Variants in ITGB2 observed in about 807,000 individuals in gnomAD.
The protein encoded by ITGB2 is integrin beta-2.
ITGB2 carries 56 observed loss-of-function variants against 86.8 expected under a neutral mutation model. That is an observed-to-expected ratio of 0.65 (90% confidence interval 0.52 to 0.81). ITGB2 has a LOEUF of 0.81. Among genes scored for constraint, ITGB2 ranks in the 30% least tolerant of loss-of-function variants. ITGB2 has a pLI of 0.00. For synonymous variants in ITGB2, 457 were observed against 450.4 expected, an observed-to-expected ratio of 1.01 and a Z score of -0.19; for missense variants, 948 against 1,061.2, an observed-to-expected ratio of 0.89 and a Z score of 1.48.
intron 14 of ITGB2, among the ~76,000 whole-genome samples, chr21:44,887,290 T>C (rs1417160167): frequency 6.6e-6 from 1 of 152,136 alleles, no homozygotes; most frequent in Non-Finnish European, 1.5e-5. Context: ...CTCCCCATAC[T>C]GTGAAAGTGA....
chr21:44,888,644 C>A (rs376621955), intron 14 of ITGB2, 49 bp downstream of exon 14: 3 of 1,588,682 alleles, frequency 1.9e-6, no homozygotes, highest in East Asian at 2.2e-5. Flanking sequence ...GCGGAGACCC[C>A]GCAGCCGGAG....
intron 1 of ITGB2, among the ~76,000 whole-genome samples, chr21:44,913,158 T>C (rs2146551709): frequency 6.6e-6 from 1 of 151,744 alleles, no homozygotes; most frequent in Non-Finnish European, 1.5e-5. Context: ...CCAGCCGGCT[T>C]CAGGACTCCC....
At chr21:44,901,456 G>T (rs1003720927) in intron 6 of ITGB2, 36 bp downstream of exon 6, 1 of 1,609,124 alleles carries the variant, frequency 6.2e-7, no homozygotes, top group African/African-American at 1.3e-5. Flanking sequence ...CCACACTGGG[G>T]GAACGTGGGG....
intron 5 of ITGB2, 132 bp from the exon 6 acceptor site, chr21:44,901,865 G>A (rs763338831): frequency 8.1e-6 from 8 of 983,838 alleles, no homozygotes; most frequent in Non-Finnish European, 1.2e-5. Flanking sequence ...GATGGCACAT[G>A]TGGAGTGTGT....
intron 8 of ITGB2, among the ~76,000 whole-genome samples, chr21:44,896,957 G>A (rs781213660): frequency 7.2e-5 from 11 of 152,208 alleles, no homozygotes; most frequent in Non-Finnish European, 1.0e-4. Context: ...GGAGGGGACC[G>A]TCATGGCCAC....
chr21:44,890,369 A>G, intron 11 of ITGB2, 147 bp from the exon 12 acceptor site: 5 of 1,019,586 alleles, frequency 4.9e-6, no homozygotes, highest in South Asian at 1.4e-5. Flanking sequence ...AGCACTTGCC[A>G]CGGACTAAAT....
intron 13 of ITGB2, 76 bp downstream of exon 13, chr21:44,889,200 G>C (rs1452860688): frequency 3.5e-6 from 5 of 1,439,398 alleles, no homozygotes; most frequent in Non-Finnish European, 4.9e-6. Context: ...TGGGGTCCCC[G>C]AGTGAGCCCG....
At chr21:44,917,650 C>T (rs3788151) in intron 1 of ITGB2, among the ~76,000 whole-genome samples, 27,139 of 152,038 alleles carry the variant, frequency 0.18, 4,856 homozygotes, top group African/African-American at 0.47. Context: ...CCTCTAGGCA[C>T]GGCGCAGGGG....
chr21:44,890,262 T>C (rs1167104154), intron 11 of ITGB2, 40 bp from the exon 12 acceptor site: 1 of 1,611,308 alleles, frequency 6.2e-7, no homozygotes, highest in Admixed American at 1.7e-5. Context: ...CTCCCCCCAG[T>C]GATGTGGGAC....
chr21:44,888,920 C>T lies in ITGB2; in HGVS notation c.1878-25G>A, dbSNP rs372021992. ...GCTGCGGGGAGCCAGGTGTGAGCATCGGTGCCAGGGTGTGCGGGGGCTCCG... is the reference window on the plus strand; with the variant it reads ...GCTGCGGGGAGCCAGGTGTGAGCATTGGTGCCAGGGTGTGCGGGGGCTCCG... On this transcript the variant is annotated intron_variant, in intron 13 of 15. Coordinates refer to ENST00000652462, the MANE Select transcript of ITGB2 (RefSeq NM_000211.5). 626 of 1,589,334 alleles carry T rather than the reference C, an allele frequency of 3.9e-4. 2 individuals carry two copies. The highest frequency in any genetic ancestry group is 1.3e-3 in the South Asian group (119 of 90,790).
intron 14 of ITGB2, 66 bp from the exon 15 acceptor site, chr21:44,886,968 G>T: frequency 6.3e-7 from 1 of 1,588,876 alleles, no homozygotes; most frequent in Admixed American, 1.7e-5. Context: ...GTGCCCACAG[G>T]TCCGAGGTCA....
chr21:44,927,254 A>G (rs4818985), intron 1 of ITGB2, among the ~76,000 whole-genome samples: 58,253 of 152,038 alleles, frequency 0.38, 14,639 homozygotes, highest in African/African-American at 0.72. Flanking sequence ...CAGTGGGGAG[A>G]GGGTGGTTCC....
At chr21:44,898,498 G>T (rs1255606402) in intron 8 of ITGB2, among the ~76,000 whole-genome samples, 1 of 152,216 alleles carries the variant, frequency 6.6e-6, no homozygotes, top group East Asian at 1.9e-4. Context: ...CCTGAGAAAG[G>T]TCTTGGGAAC....
At chr21:44,893,925 G>T (rs1159813942) in intron 9 of ITGB2, 3 of 339,016 alleles carry the variant, frequency 8.8e-6, no homozygotes, top group African/African-American at 6.4e-5. Flanking sequence ...CAGAGCCAGA[G>T]CCAGAGACAG....
intron 14 of ITGB2, among the ~76,000 whole-genome samples, chr21:44,888,479 CA>C (rs1302963903): frequency 1.3e-5 from 2 of 152,120 alleles, no homozygotes; most frequent in African/African-American, 4.8e-5. Flanking sequence ...GATGTGGGGT[CA>C]GGTGAGGAGG....
intron 4 of ITGB2, among the ~76,000 whole-genome samples, chr21:44,905,566 TG>T (rs901674522): frequency 2.0e-5 from 3 of 152,116 alleles, no homozygotes; most frequent in African/African-American, 7.2e-5. Flanking sequence ...CACTGTGAAG[TG>T]GGGCGTGGGG....
At chr21:44,925,218 A>G (rs2084356466), upstream of ITGB2, among the ~76,000 whole-genome samples, 1 of 151,956 alleles carries the variant, frequency 6.6e-6, no homozygotes, top group Non-Finnish European at 1.5e-5. Flanking sequence ...AATGCTCTGA[A>G]ATTAGATTGT....
chr21:44,924,745 A>G (rs916687196), upstream of ITGB2, among the ~76,000 whole-genome samples: 4 of 152,190 alleles, frequency 2.6e-5, no homozygotes, highest in African/African-American at 9.7e-5. Context: ...ACATACATCC[A>G]TGGTGCCACA....
intron 4 of ITGB2, among the ~76,000 whole-genome samples, chr21:44,904,852 AC>A (rs2084019484): frequency 6.6e-6 from 1 of 151,526 alleles, no homozygotes; most frequent in Non-Finnish European, 1.5e-5. Flanking sequence ...CACCACACAC[AC>A]ATGCGCTCAC....
Sources: gnomAD v4.1 joint callset for allele counts (sites outside exome capture counted in the v4.1 genomes callset) on GRCh38, gnomAD v4.1.1 for gene constraint, MANE v1.5 for transcripts, NCBI Gene and HGNC (gene_info 2026-07-23, HGNC 2026-07-21) for gene names.